The following PNPLA7 variants were observed in gnomAD, a reference collection of about 807,000 sequenced individuals.
PNPLA7 encodes the protein patatin-like phospholipase domain-containing protein 7.
A neutral mutation model predicts 161.7 loss-of-function variants in PNPLA7; 153 were observed. The observed-to-expected ratio is 0.95, with a 90% CI of 0.83 to 1.08. PNPLA7 has a LOEUF of 1.08. Ranked by LOEUF, PNPLA7 falls within the 50% of genes least tolerant of loss-of-function variation. The probability of loss-of-function intolerance (pLI) is 0.00; values close to 1 mark genes in which losing one functional copy is unlikely to be tolerated. For missense variants in PNPLA7, 1,739 were observed against 1,856.6 expected (o/e 0.94, Z 1.16); for synonymous variants, 809 against 782.1 (o/e 1.03, Z -0.57).
chr9:137,508,322 C>T (rs1021977567), intron 12 of PNPLA7, among the ~76,000 whole-genome samples: 34 of 152,220 alleles, frequency 2.2e-4, no homozygotes, highest in African/African-American at 7.7e-4. Flanking sequence ...AATCCCAGCA[C>T]TTTGGGAGGA....
At chr9:137,515,610 C>T in intron 11 of PNPLA7, 91 bp from the exon 12 acceptor site, 1 of 1,409,908 alleles carries the variant, frequency 7.1e-7, no homozygotes. Context: ...GAGCAGGGTC[C>T]CCACAGTGCC....
At position 137,476,312 on chromosome 9, in the gene PNPLA7, T is replaced by C. The variant is rs1434893086; in HGVS notation, c.2882+1722A>G. Among the ~76,000 whole-genome samples the C allele has an allele frequency of 6.6e-6, 1 of 152,080 alleles. No individual in the cohort carries two copies. The highest frequency in any genetic ancestry group is 1.5e-5 in the Non-Finnish European group (1 of 68,016). On this transcript the variant is annotated intron_variant, in intron 25 of 34. Coordinates refer to ENST00000406427, the MANE Select transcript of PNPLA7 (RefSeq NM_001098537.3). This position sits in a 1 kb window ranked among gnomAD's most constrained non-coding sequence, Gnocchi z 4.5. ...AAGGAACTTCAATCATAGGATAGGA[T>C]AGGATGTGACTTAGTTCTGAGTGAC...
rs550788466 is a variant in PNPLA7, at chr9:137,543,521, C to A, written c.417G>T (p.Pro139=). The part of the protein sequence containing the change: ...EYPALQPKEP[P]PSLLEADLTE... ...TGAGGTCGGCCTCCAGCAGGGAGGG[C>A]GGGGGCTCCTTGGGCTGCAGGGCCG... is the stretch of plus-strand genomic sequence containing the variant. Residue 139 remains proline (P), a synonymous_variant, in exon 6 of 35, where the codon CCG becomes CCT. Coordinates refer to ENST00000406427, the MANE Select transcript of PNPLA7 (RefSeq NM_001098537.3). This position sits in a 1 kb window ranked among gnomAD's most constrained non-coding sequence, Gnocchi z 6.9. 21 of 1,613,854 alleles carry A rather than the reference C, an allele frequency of 1.3e-5. No homozygotes were observed. The highest frequency in any genetic ancestry group is 9.3e-5 in the African/African-American group (7 of 75,044).
chr9:137,483,144 T>A (rs1832305670), intron 21 of PNPLA7, among the ~76,000 whole-genome samples: 2 of 152,198 alleles, frequency 1.3e-5, no homozygotes. Flanking sequence ...AGTGCTGGGA[T>A]TACAGGCGTG....
chr9:137,542,928 T>C (rs1162263770), intron 6 of PNPLA7, 127 bp from the exon 7 acceptor site: 3 of 954,722 alleles, frequency 3.1e-6, no homozygotes, highest in East Asian at 5.1e-5. Context: ...TCCACACGGC[T>C]GACCAACAAA....
In PNPLA7 at chr9:137,547,487, C is replaced by T. The variant is rs1331882963; in HGVS notation, c.106-91G>A. The T allele has an allele frequency of 6.3e-7, 1 of 1,585,732 alleles. No homozygotes were observed. The highest frequency in any genetic ancestry group is 1.1e-5 in the South Asian group (1 of 90,496). On this transcript the variant is annotated intron_variant, in intron 2 of 34. Coordinates refer to ENST00000406427, the MANE Select transcript of PNPLA7 (RefSeq NM_001098537.3). This position sits in a 1 kb window ranked among gnomAD's most constrained non-coding sequence, Gnocchi z 4.6. ...GCCCCCACCCCTGGCTGCCCAACCA[C>T]AGGCTGGGCAGGAATGAGCCAGGGG... is the stretch of plus-strand genomic sequence containing the variant.
chr9:137,462,921 TGG>T, intron 29 of PNPLA7, 88 bp from the exon 30 acceptor site: 4 of 1,530,572 alleles, frequency 2.6e-6, no homozygotes, highest in Non-Finnish European at 3.6e-6. Flanking sequence ...AGCCCTGACG[TGG>T]GGGTTGTGGG....
chr9:137,518,114 C>CCCG (rs1834729597), intron 11 of PNPLA7, among the ~76,000 whole-genome samples: 1 of 115,308 alleles, frequency 8.7e-6, no homozygotes, highest in African/African-American at 3.7e-5. Flanking sequence ...CACTCCATCC[C>CCCG]TCACTCACTC....
Position 137,506,090 on chromosome 9 carries a change from A to G in PNPLA7, c.1226-7T>C. 6.2e-7 allele frequency: 1 copy of G among 1,607,190 alleles called. No homozygotes were observed. The highest frequency in any genetic ancestry group is 1.1e-5 in the South Asian group (1 of 89,920). On this transcript the variant is annotated splice_region_variant and splice_polypyrimidine_tract_variant and intron_variant, in intron 12 of 34. Coordinates refer to ENST00000406427, the MANE Select transcript of PNPLA7 (RefSeq NM_001098537.3). Reference sequence around the variant, plus strand: ...GTGGCACTGCCTGGGCCCCCTACACACAGAGGGGACACTCAGGACACGGTT... The same window carrying G: ...GTGGCACTGCCTGGGCCCCCTACACGCAGAGGGGACACTCAGGACACGGTT...
rs759673373 is a variant in PNPLA7, at chr9:137,501,689, G to A, written c.1512C>T (p.His504=). The A allele has an allele frequency of 2.2e-5, 36 of 1,612,484 alleles. No homozygotes were observed. Among genetic ancestry groups the A allele is most frequent in the Non-Finnish European group, 2.8e-5 (33 of 1,179,888 alleles). ...SLLDGRVALL[H]VPAGTVVSRQ... is the part of the protein sequence containing the mutation. ...TTGACACCACCGTGCCTGCAGGAAC[G>A]TGCAGAAGCGCCACCCGGCCATCCA... The change falls in exon 15 of 35, where the codon CAC becomes CAT. Residue 504 remains histidine (H), a synonymous_variant. Coordinates refer to ENST00000406427, the MANE Select transcript of PNPLA7 (RefSeq NM_001098537.3).
intron 26 of PNPLA7, among the ~76,000 whole-genome samples, chr9:137,466,612 CACGG>C (rs1831477551): frequency 6.7e-6 from 1 of 150,304 alleles, no homozygotes; most frequent in Non-Finnish European, 1.5e-5. Context: ...CAGACCTGGG[CACGG>C]ATCAGACCAC....
In PNPLA7 at chr9:137,497,269, C is replaced by T; in HGVS notation, c.1931G>A (p.Gly644Asp). Reference protein sequence around the residue: ...KSDCTYIMLSGRLRSVIRKDD... With the variant: ...KSDCTYIMLSDRLRSVIRKDD... ...CTTCCGGATCACAGAGCGCAGCCGGCCGCTGAGCATGATGTACGTGCAGTC... is the reference window on the plus strand; with the variant it reads ...CTTCCGGATCACAGAGCGCAGCCGGTCGCTGAGCATGATGTACGTGCAGTC... Residue 644 changes from glycine to aspartate, a missense_variant, in exon 18 of 35, where the codon GGC becomes GAC. Physicochemically the swap from Gly to Asp is moderately conservative, Grantham distance 94. Around this residue, in one of 6 missense-constraint regions of PNPLA7, gnomAD observed 481 missense variants for 450.0 expected, o/e 1.07. Transcript: ENST00000406427. 1 of 1,588,208 alleles carries T rather than the reference C, an allele frequency of 6.3e-7. No individual in the cohort carries two copies. Among genetic ancestry groups the T allele is most frequent in the Non-Finnish European group, 8.6e-7 (1 of 1,168,060 alleles).
chr9:137,502,730 G>GGGGGGACGCGGGGGGACGA (rs1554767770), intron 14 of PNPLA7, among the ~76,000 whole-genome samples: 1 of 40,986 alleles, frequency 2.4e-5, no homozygotes, highest in Non-Finnish European at 4.7e-5. Context: ...GCGGGGGACG[G>GGGGGGACGCGGGGGGACGA]GGGGGACGAG....
chr9:137,471,630 C>CT lies in PNPLA7; in HGVS notation c.2883-4158dup, dbSNP rs1056513367. On this transcript the variant is annotated intron_variant, in intron 25 of 34. Transcript: ENST00000406427. ...AAAAAAAAAGATACCATTTATAATA[C>CT]TTTTTTAAAAGCCTGTAAAACCCTT... Among the ~76,000 whole-genome samples, 20 of 150,170 alleles carry CT rather than the reference C, an allele frequency of 1.3e-4. 1 individual carries two copies. Among genetic ancestry groups the CT allele is most frequent in the Admixed American group, 4.0e-4 (6 of 15,052 alleles).
intron 8 of PNPLA7, among the ~76,000 whole-genome samples, chr9:137,534,252 G>C (rs536534124): frequency 1.3e-5 from 2 of 148,326 alleles, no homozygotes; most frequent in Non-Finnish European, 3.0e-5. Context: ...CTCCAGGCGG[G>C]AGCACTCCCA....
chr9:137,505,814 G>A (rs922247416), intron 13 of PNPLA7, 54 bp from the exon 14 acceptor site: 29 of 1,600,852 alleles, frequency 1.8e-5, no homozygotes, highest in Non-Finnish European at 2.3e-5. Context: ...GGGGAACATC[G>A]CACAAGGGTG....
Position 137,493,092 on chromosome 9 carries a change from GAC to G in PNPLA7, c.2128-12_2128-11del, listed in dbSNP as rs1323241886. On this transcript the variant is annotated splice_polypyrimidine_tract_variant and intron_variant, in intron 19 of 34. Coordinates refer to ENST00000406427, the MANE Select transcript of PNPLA7 (RefSeq NM_001098537.3). ...TCAGCCGAGTCACCACCTGCGGGCAGACACAGGAGCCAAGAGCCACACGTTTT... is the reference window on the plus strand; with the variant it reads ...TCAGCCGAGTCACCACCTGCGGGCAGACAGGAGCCAAGAGCCACACGTTTT... 1 of 1,613,844 alleles carries G rather than the reference GAC, an allele frequency of 6.2e-7. No individual in the cohort carries two copies. The highest frequency in any genetic ancestry group is 8.5e-7 in the Non-Finnish European group (1 of 1,179,960).
chr9:137,464,310 C>G (rs1432828326), intron 27 of PNPLA7, 30 bp downstream of exon 27: 1 of 1,607,344 alleles, frequency 6.2e-7, no homozygotes. Context: ...GCACTGGGGG[C>G]TGCATGGGCT....
In PNPLA7 at chr9:137,463,417, G is replaced by A. The variant is rs1831312511; in HGVS notation, c.3341C>T (p.Pro1114Leu). The A allele has an allele frequency of 1.9e-6, 3 of 1,601,912 alleles. No individual in the cohort carries two copies. In the South Asian group the frequency reaches 3.4e-5, roughly 18 times the overall value. The change falls in exon 29 of 35, where the codon CCA becomes CTA. Residue 1114 changes from proline (P) to leucine (L), a missense_variant and splice_region_variant. Physicochemically the swap from Pro to Leu is moderately conservative, Grantham distance 98. This residue lies in a region of PNPLA7 where 703 missense variants were observed against 694.6 expected (regional missense o/e 1.01). Coordinates refer to ENST00000406427, the MANE Select transcript of PNPLA7 (RefSeq NM_001098537.3). ...GCGTGGTCCCCCCACCGCAGTACCTGGGAGGTTGTTGATGTAGCCCCCGTC... is the reference window on the plus strand; with the variant it reads ...GCGTGGTCCCCCCACCGCAGTACCTAGGAGGTTGTTGATGTAGCCCCCGTC... ...LMDGGYINNL[P>L]ADVARSMGAK...
Sources: gnomAD v4.1 joint callset for allele counts (sites outside exome capture counted in the v4.1 genomes callset) on GRCh38, gnomAD v4.1.1 for gene constraint, gnomAD v4.1.1 regional missense constraint, Gnocchi (gnomAD v3.1) non-coding constraint, MANE v1.5 for transcripts, NCBI Gene and HGNC (gene_info 2026-07-23, HGNC 2026-07-21) for gene names.